Variants in C10orf90 observed in about 807,000 individuals in gnomAD.
C10orf90 encodes the protein (E2-independent) E3 ubiquitin-conjugating enzyme FATS.
Under a neutral mutation model 62.5 loss-of-function variants are expected in C10orf90, and 56 were observed. The ratio of observed to expected loss-of-function variants is 0.90; its 90% confidence interval spans 0.72 to 1.12. The LOEUF (loss-of-function observed/expected upper bound fraction) is 1.12, where lower values mean the gene tolerates loss of function less well. Ranked by LOEUF, C10orf90 falls within the 50% of genes most tolerant of loss-of-function variation. The pLI is 0.00. For synonymous variants in C10orf90, 386 were observed against 340.4 expected (o/e 1.13, Z -1.47); for missense variants, 970 against 880.4 (o/e 1.10, Z -1.29).
rs188268233 is a variant in C10orf90, at chr10:126,522,117, A to T, written c.314-8178T>A. On this transcript the variant is annotated intron_variant, in intron 2 of 9. Transcript: ENST00000488181. ...AACCCCATCTCTACTAAAAGTACAAAATTAGCCAGGCATGATGGCGCATGC... is the reference window on the plus strand; with the variant it reads ...AACCCCATCTCTACTAAAAGTACAATATTAGCCAGGCATGATGGCGCATGC... 1.0e-3 allele frequency among the ~76,000 whole-genome samples: 153 copies of T among 152,260 alleles called. 1 individual carries two copies. Among genetic ancestry groups the T allele is most frequent in the African/African-American group, 3.5e-3 (144 of 41,552 alleles).
chr10:126,496,231 CT>C (rs1194361445), intron 4 of C10orf90, among the ~76,000 whole-genome samples: 1 of 152,052 alleles, frequency 6.6e-6, no homozygotes, highest in African/African-American at 2.4e-5. Context: ...GGGACACCCC[CT>C]ATTCATATAA....
At chr10:126,529,210 C>A (rs1297322964) in intron 2 of C10orf90, among the ~76,000 whole-genome samples, 1 of 152,154 alleles carries the variant, frequency 6.6e-6, no homozygotes, top group Non-Finnish European at 1.5e-5. Flanking sequence ...ACCATACCTA[C>A]AAATCAACTC....
intron 7 of C10orf90, among the ~76,000 whole-genome samples, chr10:126,441,655 A>T (rs1165143808): frequency 6.6e-6 from 1 of 152,208 alleles, no homozygotes; most frequent in Non-Finnish European, 1.5e-5. Context: ...TAAGTTATAA[A>T]GGAAAATTTA....
rs115682113 is a variant in C10orf90, at chr10:126,566,799, G to A, written c.314-52860C>T. Among the ~76,000 whole-genome samples, 243 of 152,274 alleles carry A rather than the reference G, an allele frequency of 1.6e-3. 1 individual carries two copies. Among genetic ancestry groups the A allele is most frequent in the African/African-American group, 5.3e-3 (222 of 41,554 alleles). On this transcript the variant is annotated intron_variant, in intron 2 of 9. Coordinates refer to ENST00000488181, the MANE Select transcript of C10orf90 (RefSeq NM_001350921.2). The stretch of plus-strand genomic sequence containing the variant: ...AGGGAGGGGCAAGAGCGGAGGCAGC[G>A]AGACCAGTTAAGAGGATACATCTGG...
At chr10:126,541,311 T>A in intron 2 of C10orf90, among the ~76,000 whole-genome samples, 1 of 152,114 alleles carries the variant, frequency 6.6e-6, no homozygotes, top group East Asian at 1.9e-4. Flanking sequence ...ATGCTAGAGC[T>A]CTTTAGCAAT....
At chr10:126,510,826 T>C (rs1863064149) in intron 3 of C10orf90, among the ~76,000 whole-genome samples, 1 of 152,246 alleles carries the variant, frequency 6.6e-6, no homozygotes, top group Admixed American at 6.5e-5. Flanking sequence ...CATAATTTCA[T>C]AAATTGAAGC....
intron 7 of C10orf90, among the ~76,000 whole-genome samples, chr10:126,430,840 C>A (rs1472091883): frequency 6.6e-6 from 1 of 152,196 alleles, no homozygotes; most frequent in African/African-American, 2.4e-5. Flanking sequence ...GCTCATCAAT[C>A]CAGTGGAGCA....
chr10:126,507,280 C>T (rs970895720), intron 3 of C10orf90, among the ~76,000 whole-genome samples: 3 of 149,860 alleles, frequency 2.0e-5, no homozygotes, highest in African/African-American at 7.4e-5. Context: ...TGGCGTGAAC[C>T]CGAGAGACGG....
At chr10:126,598,059 T>G (rs1374800807) in intron 2 of C10orf90, among the ~76,000 whole-genome samples, 1 of 152,210 alleles carries the variant, frequency 6.6e-6, no homozygotes, top group Non-Finnish European at 1.5e-5. Context: ...GATACCCTAT[T>G]TCAATGGCAT....
At position 126,557,914 on chromosome 10, in the gene C10orf90, G is replaced by C. The variant is rs536954697; in HGVS notation, c.314-43975C>G. Among the ~76,000 whole-genome samples, 155 of 151,898 alleles carry C rather than the reference G, an allele frequency of 1.0e-3. 1 individual carries two copies. The highest frequency in any genetic ancestry group is 3.6e-3 in the African/African-American group (149 of 41,406). On this transcript the variant is annotated intron_variant, in intron 2 of 9. Transcript: ENST00000488181. Reference sequence around the variant, plus strand: ...CATGCCTCCTCCCGACTCCTCCTAAGTTTTTGCTCTTGGGGGGTGACGGTG... The same window carrying C: ...CATGCCTCCTCCCGACTCCTCCTAACTTTTTGCTCTTGGGGGGTGACGGTG...
intron 2 of C10orf90, among the ~76,000 whole-genome samples, chr10:126,519,016 A>C (rs997817910): frequency 2.0e-5 from 3 of 152,166 alleles, no homozygotes; most frequent in Non-Finnish European, 2.9e-5. Flanking sequence ...TTCTTTTTCC[A>C]GCAACTCTAA....
intron 4 of C10orf90, among the ~76,000 whole-genome samples, chr10:126,486,595 A>G (rs987734807): frequency 2.0e-5 from 3 of 152,196 alleles, no homozygotes; most frequent in Non-Finnish European, 4.4e-5. Context: ...TTAAAGGCAT[A>G]AAATAATTAA....
At chr10:126,536,518 G>C (rs1014035037) in intron 2 of C10orf90, among the ~76,000 whole-genome samples, 3 of 152,124 alleles carry the variant, frequency 2.0e-5, no homozygotes, top group African/African-American at 7.2e-5. Flanking sequence ...CACAGGGTTG[G>C]AGCAGCTAAG....
At chr10:126,432,263 C>T (rs1857616852) in intron 7 of C10orf90, among the ~76,000 whole-genome samples, 1 of 152,190 alleles carries the variant, frequency 6.6e-6, no homozygotes, top group Admixed American at 6.5e-5. Context: ...GAAAGTGGCT[C>T]GTGGTTGCAG....
At chr10:126,569,739 G>A (rs1380368888) in intron 2 of C10orf90, among the ~76,000 whole-genome samples, 1 of 152,088 alleles carries the variant, frequency 6.6e-6, no homozygotes, top group Non-Finnish European at 1.5e-5. Context: ...TATGCTAATG[G>A]CTCTCAGTGT....
chr10:126,478,743 G>A (rs61863935), intron 4 of C10orf90, among the ~76,000 whole-genome samples: 1,936 of 152,210 alleles, frequency 0.013, 19 homozygotes, highest in Middle Eastern at 0.021. Flanking sequence ...CGTGCTGGGG[G>A]AGGAGGTTCT....
At chr10:126,663,413 G>A (rs746843188) in intron 1 of C10orf90, among the ~76,000 whole-genome samples, 7 of 152,136 alleles carry the variant, frequency 4.6e-5, no homozygotes, top group South Asian at 2.1e-4. Flanking sequence ...TCCTTCCGCC[G>A]CTCCTAACTG....
chr10:126,454,189 C>T (rs1367305753), intron 7 of C10orf90, among the ~76,000 whole-genome samples: 1 of 152,020 alleles, frequency 6.6e-6, no homozygotes, highest in African/African-American at 2.4e-5. Context: ...CCTGCAGTGG[C>T]TCTGCCCCCT....
chr10:126,507,191 AC>A (rs1862791134), intron 3 of C10orf90, among the ~76,000 whole-genome samples: 1 of 151,998 alleles, frequency 6.6e-6, no homozygotes, highest in African/African-American at 2.4e-5. Flanking sequence ...CTCTGTCTCT[AC>A]TAAAAATACA....
Sources: allele counts gnomAD v4.1 joint callset (sites outside exome capture counted in the v4.1 genomes callset), GRCh38; gene constraint gnomAD v4.1.1; transcripts MANE v1.5; gene names NCBI Gene and HGNC (gene_info 2026-07-23, HGNC 2026-07-21).